BMPR2: variants seen among roughly 807,000 people sequenced by gnomAD.
BMPR2 encodes bone morphogenetic protein receptor type 2, also known as bone morphogenetic protein receptor type-2.
BMPR2 carries 29 observed loss-of-function variants against 100.8 expected under a neutral mutation model. That is an observed-to-expected ratio of 0.29 (90% confidence interval 0.21 to 0.39). The LOEUF is 0.39. BMPR2 is among the 10% of genes least tolerant of loss of function. BMPR2 has a pLI of 1.00. For synonymous variants in BMPR2, 382 were observed against 442.3 expected, an observed-to-expected ratio of 0.86 and a Z score of 1.71; for missense variants, 1,011 against 1,274.5, an observed-to-expected ratio of 0.79 and a Z score of 3.15.
rs570907423 is a variant in BMPR2 at position 202,400,033 on chromosome 2, A to T, written c.76+22483A>T. ...GCCTGAGGTGGGAGAATCACTTGAG[A>T]CCAGGAGGAGTTCAAATCTGCATTG... On this transcript the variant is annotated intron_variant, in intron 1 of 12. Transcript: ENST00000374580. Among the ~76,000 whole-genome samples the T allele has an allele frequency of 3.3e-5, 5 of 152,192 alleles. 1 individual carries two copies. Among genetic ancestry groups the T allele is most frequent in the African/African-American group, 9.6e-5 (4 of 41,546 alleles).
intron 1 of BMPR2, among the ~76,000 whole-genome samples, chr2:202,424,391 A>G (rs1026212238): frequency 4.3e-5 from 6 of 139,642 alleles, no homozygotes; most frequent in African/African-American, 1.6e-4. Context: ...AAAAAAAAAC[A>G]CGTTTTTTAT....
intron 3 of BMPR2, among the ~76,000 whole-genome samples, chr2:202,491,193 A>T (rs991046296): frequency 1.3e-5 from 2 of 152,064 alleles, no homozygotes; most frequent in Non-Finnish European, 2.9e-5. Context: ...AGTAGCTGGG[A>T]CTACACAGAT....
At chr2:202,459,532 C>T (rs777727879) in intron 1 of BMPR2, among the ~76,000 whole-genome samples, 3 of 152,126 alleles carry the variant, frequency 2.0e-5, no homozygotes, top group South Asian at 2.1e-4. Flanking sequence ...GGGTTCCCCT[C>T]TATGTGTCCA....
chr2:202,442,839 A>G (rs575025394), intron 1 of BMPR2, among the ~76,000 whole-genome samples: 1 of 150,726 alleles, frequency 6.6e-6, no homozygotes, highest in African/African-American at 2.5e-5. Flanking sequence ...TTATCTGTTC[A>G]TCTGTTGATG....
At chr2:202,483,093 T>C (rs1692692617) in intron 3 of BMPR2, among the ~76,000 whole-genome samples, 1 of 152,158 alleles carries the variant, frequency 6.6e-6, no homozygotes, top group African/African-American at 2.4e-5. Context: ...GTCATTGTGG[T>C]TTTGTTTTAT....
chr2:202,478,793 G>A (rs1294296673), intron 3 of BMPR2, among the ~76,000 whole-genome samples: 1 of 152,028 alleles, frequency 6.6e-6, no homozygotes, highest in Non-Finnish European at 1.5e-5. Flanking sequence ...CAGTTGTGGT[G>A]GTGCATGTTG....
intron 1 of BMPR2, among the ~76,000 whole-genome samples, chr2:202,389,379 T>C (rs1310183993): frequency 6.7e-6 from 1 of 150,206 alleles, no homozygotes; most frequent in Non-Finnish European, 1.5e-5. Context: ...TACAAAAAAT[T>C]AGCTTGGCGT....
chr2:202,387,459 A>G (rs1690453673), intron 1 of BMPR2, among the ~76,000 whole-genome samples: 1 of 152,208 alleles, frequency 6.6e-6, no homozygotes, highest in Admixed American at 6.6e-5. Flanking sequence ...TATGGCTCCA[A>G]AGCAAAACAT....
chr2:202,470,803 G>A lies in BMPR2; in HGVS notation c.418+3114G>A, dbSNP rs949751363. ...AAAAAAAAAAAAGAAAGTAAGGAAA[G>A]AGCCTGTAATCCCAGCACTTTGGCA... On this transcript the variant is annotated intron_variant, in intron 3 of 12. Coordinates refer to ENST00000374580, the MANE Select transcript of BMPR2 (RefSeq NM_001204.7). Among the ~76,000 whole-genome samples the A allele has an allele frequency of 1.1e-4, 16 of 148,394 alleles. No individual in the cohort carries two copies. The East Asian group carries it at 3.2e-3, about 30-fold the overall frequency.
chr2:202,483,176 G>T (rs1170863655), intron 3 of BMPR2, among the ~76,000 whole-genome samples: 1 of 151,886 alleles, frequency 6.6e-6, no homozygotes, highest in Admixed American at 6.6e-5. Context: ...TACCTATTCA[G>T]GTCCTTTGCC....
At chr2:202,530,392 T>C (rs2106017687) in intron 7 of BMPR2, among the ~76,000 whole-genome samples, 1 of 152,268 alleles carries the variant, frequency 6.6e-6, no homozygotes, top group Admixed American at 6.5e-5. Flanking sequence ...CAGTTTAAGA[T>C]TTACGTTAAA....
At chr2:202,533,182 T>TCTTC (rs1384610286) in intron 9 of BMPR2, among the ~76,000 whole-genome samples, 1 of 152,122 alleles carries the variant, frequency 6.6e-6, no homozygotes, top group Non-Finnish European at 1.5e-5. Flanking sequence ...TTTCCTTCTT[T>TCTTC]CTTCCTTCCT....
chr2:202,495,737 G>T lies in BMPR2; in HGVS notation c.419-17982G>T, dbSNP rs1693012577. ...TGTTCCCTTCCCAGCACTATAACAT[G>T]TTTAAAATGTTTTAAAACTTTTTTC... On this transcript the variant is annotated intron_variant, in intron 3 of 12. Transcript: ENST00000374580. This position sits in a 1 kb window ranked among gnomAD's most constrained non-coding sequence, Gnocchi z 4.5. 6.6e-6 allele frequency among the ~76,000 whole-genome samples: 1 copy of T among 152,010 alleles called. No homozygotes were observed.
At chr2:202,544,033 C>T (rs2106032643) in intron 10 of BMPR2, among the ~76,000 whole-genome samples, 1 of 152,038 alleles carries the variant, frequency 6.6e-6, no homozygotes, top group Non-Finnish European at 1.5e-5. Flanking sequence ...TCTCAGCTGC[C>T]CAGGAGGCTG....
chr2:202,534,503 C>T (rs1688089990), intron 9 of BMPR2, among the ~76,000 whole-genome samples: 1 of 152,074 alleles, frequency 6.6e-6, no homozygotes, highest in African/African-American at 2.4e-5. Context: ...TAACAAAGCA[C>T]ATCTTGCACC....
chr2:202,392,941 G>A (rs966938880), intron 1 of BMPR2, among the ~76,000 whole-genome samples: 2 of 147,978 alleles, frequency 1.4e-5, no homozygotes, highest in Non-Finnish European at 3.0e-5. Flanking sequence ...GCGGTGAGCC[G>A]AGATCGTGCC....
chr2:202,477,593 G>A (rs1574469095), intron 3 of BMPR2, among the ~76,000 whole-genome samples: 3 of 152,264 alleles, frequency 2.0e-5, no homozygotes, highest in East Asian at 3.9e-4. Flanking sequence ...TTTGAGACCA[G>A]CCTGGCCAAT....
At chr2:202,557,962 G>C (rs1180418310) in intron 12 of BMPR2, among the ~76,000 whole-genome samples, 1 of 151,944 alleles carries the variant, frequency 6.6e-6, no homozygotes, top group Non-Finnish European at 1.5e-5. Context: ...TCTGCATTTA[G>C]GTTTTATCAA....
At chr2:202,489,304 T>C (rs1692848970) in intron 3 of BMPR2, among the ~76,000 whole-genome samples, 1 of 152,162 alleles carries the variant, frequency 6.6e-6, no homozygotes, top group Admixed American at 6.6e-5. Flanking sequence ...CGCCCGGCCT[T>C]TGTTGTTCTT....
Sources: allele counts gnomAD v4.1 joint callset (sites outside exome capture counted in the v4.1 genomes callset), GRCh38; gene constraint gnomAD v4.1.1; non-coding constraint Gnocchi (gnomAD v3.1); transcripts MANE v1.5; gene names NCBI Gene and HGNC (gene_info 2026-07-23, HGNC 2026-07-21).